The following CACNG3 variants were observed in gnomAD, a reference collection of about 807,000 sequenced individuals.
CACNG3 encodes voltage-dependent calcium channel gamma-3 subunit.
CACNG3 carries 3 observed loss-of-function variants against 28.5 expected under a neutral mutation model. The ratio of observed to expected loss-of-function variants is 0.11; its 90% CI spans 0.05 to 0.27. The LOEUF is 0.27. Among genes scored for constraint, CACNG3 ranks in the 10% least tolerant of loss-of-function variants. CACNG3 has a pLI of 1.00. For synonymous variants in CACNG3, 174 were observed against 162.2 expected (o/e 1.07, Z -0.55); for missense variants, 236 against 414.4 (o/e 0.57, Z 3.74).
At chr16:24,324,732 TC>T (rs1170636221) in intron 1 of CACNG3, among the ~76,000 whole-genome samples, 3 of 152,208 alleles carry the variant, frequency 2.0e-5, no homozygotes, top group Non-Finnish European at 4.4e-5. Flanking sequence ...CTCAGCCTTC[TC>T]TCAGCTTTTC....
chr16:24,351,769 G>GAGAA (rs1453158168), intron 2 of CACNG3, among the ~76,000 whole-genome samples: 1 of 147,162 alleles, frequency 6.8e-6, no homozygotes, highest in Admixed American at 6.8e-5. Flanking sequence ...GAGAGAGAGA[G>GAGAA]AAAGAAAGAT....
At chr16:24,320,451 C>T (rs1596641762) in intron 1 of CACNG3, among the ~76,000 whole-genome samples, 1 of 152,180 alleles carries the variant, frequency 6.6e-6, no homozygotes, top group Admixed American at 6.6e-5. Context: ...CAGTTTGCTG[C>T]TGTATAAAAT....
intron 1 of CACNG3, among the ~76,000 whole-genome samples, chr16:24,267,390 G>A (rs1898626779): frequency 6.6e-6 from 1 of 151,904 alleles, no homozygotes; most frequent in African/African-American, 2.4e-5. Context: ...TGGGCTCAAG[G>A]GATCCTCCCA....
intron 1 of CACNG3, among the ~76,000 whole-genome samples, chr16:24,327,361 C>A (rs1019032048): frequency 1.3e-5 from 2 of 149,266 alleles, no homozygotes; most frequent in African/African-American, 4.9e-5. Flanking sequence ...ACTTCGAACT[C>A]CTCACCAGGA....
Position 24,338,752 on chromosome 16 carries a change from A to T in CACNG3, c.212-7982A>T, listed in dbSNP as rs758469690. 7.0e-4 allele frequency among the ~76,000 whole-genome samples: 106 copies of T among 152,110 alleles called. 1 individual carries two copies. Among genetic ancestry groups the T allele is most frequent in the Non-Finnish European group, 2.5e-4 (17 of 68,018 alleles). ...ACCGTCTCTGTCTTGGGCATTAGGG[A>T]ATCCCTAGGACCTAAAACCAGTCTT... is the stretch of plus-strand genomic sequence containing the variant. On this transcript the variant is annotated intron_variant, in intron 1 of 3. Coordinates refer to ENST00000005284, the MANE Select transcript of CACNG3 (RefSeq NM_006539.4).
intron 1 of CACNG3, among the ~76,000 whole-genome samples, chr16:24,269,295 A>G (rs1459077528): frequency 6.6e-6 from 1 of 152,244 alleles, no homozygotes; most frequent in Non-Finnish European, 1.5e-5. Context: ...AAGATAATTC[A>G]ATTACCTTAA....
rs116105302 is a variant in CACNG3 at position 24,326,700 on chromosome 16, A to G, written c.212-20034A>G. 8.0e-3 allele frequency among the ~76,000 whole-genome samples: 1,214 copies of G among 152,280 alleles called. 17 individuals carry two copies. The highest frequency in any genetic ancestry group is 0.028 in the African/African-American group (1,157 of 41,566). Reference sequence around the variant, plus strand: ...CACATGCCCACTTCTGAAACTGACAATGGAGTCACCCTATGCTCACCTCAC... The same window carrying G: ...CACATGCCCACTTCTGAAACTGACAGTGGAGTCACCCTATGCTCACCTCAC... On this transcript the variant is annotated intron_variant, in intron 1 of 3. Transcript: ENST00000005284.
At chr16:24,317,606 G>GA (rs1555460535) in intron 1 of CACNG3, among the ~76,000 whole-genome samples, 2 of 66,030 alleles carry the variant, frequency 3.0e-5, no homozygotes, top group African/African-American at 6.9e-5. Context: ...AAGAAAGAAA[G>GA]AAAGAAAGAA....
At chr16:24,306,482 C>T (rs937586272) in intron 1 of CACNG3, among the ~76,000 whole-genome samples, 4 of 152,296 alleles carry the variant, frequency 2.6e-5, no homozygotes, top group Middle Eastern at 3.4e-3. Flanking sequence ...TCTTTCCCAC[C>T]TCTGGACTAA....
At chr16:24,282,296 G>C (rs1898839769) in intron 1 of CACNG3, among the ~76,000 whole-genome samples, 1 of 152,142 alleles carries the variant, frequency 6.6e-6, no homozygotes, top group East Asian at 1.9e-4. Flanking sequence ...TGTAGCTTGA[G>C]CGCTTAGGAA....
chr16:24,347,642 T>A (rs1263192139), intron 2 of CACNG3, among the ~76,000 whole-genome samples: 1 of 152,182 alleles, frequency 6.6e-6, no homozygotes, highest in African/African-American at 2.4e-5. Flanking sequence ...TTGACTTCCC[T>A]CCAGTTTCAG....
chr16:24,314,909 G>A (rs189326203), intron 1 of CACNG3, among the ~76,000 whole-genome samples: 2 of 152,198 alleles, frequency 1.3e-5, no homozygotes, highest in East Asian at 1.9e-4. Flanking sequence ...CAGAGTCCCT[G>A]AGCTTGCAAG....
chr16:24,271,701 T>C (rs538260240), intron 1 of CACNG3, among the ~76,000 whole-genome samples: 1 of 152,258 alleles, frequency 6.6e-6, no homozygotes, highest in African/African-American at 2.4e-5. Context: ...AAGGCAGACA[T>C]GGTTCCTGTC....
intron 1 of CACNG3, among the ~76,000 whole-genome samples, chr16:24,269,629 C>T (rs1898657928): frequency 6.6e-6 from 1 of 151,444 alleles, no homozygotes; most frequent in African/African-American, 2.4e-5. Flanking sequence ...CACCTGTAAT[C>T]CCAGCTACTC....
chr16:24,266,904 G>A (rs1045961737), intron 1 of CACNG3, among the ~76,000 whole-genome samples: 1 of 152,200 alleles, frequency 6.6e-6, no homozygotes, highest in African/African-American at 2.4e-5. Context: ...GAGAGAGAGA[G>A]GATGGGCCGT....
At chr16:24,323,239 A>AAAG (rs1555460944) in intron 1 of CACNG3, among the ~76,000 whole-genome samples, 8 of 143,072 alleles carry the variant, frequency 5.6e-5, no homozygotes, top group East Asian at 4.1e-4. Flanking sequence ...AAAAAAAAAA[A>AAAG]AGAGAGAGAG....
intron 1 of CACNG3, among the ~76,000 whole-genome samples, chr16:24,297,080 G>A (rs945177367): frequency 6.6e-6 from 1 of 151,944 alleles, no homozygotes; most frequent in African/African-American, 2.4e-5. Context: ...GCGAGATCCT[G>A]TTTCCACAAA....
intron 1 of CACNG3, among the ~76,000 whole-genome samples, chr16:24,326,463 A>G (rs1420808332): frequency 6.6e-6 from 1 of 151,990 alleles, no homozygotes. Flanking sequence ...GAGCCACCAC[A>G]CCCGGCCAAA....
chr16:24,268,645 C>T (rs1250793419), intron 1 of CACNG3, among the ~76,000 whole-genome samples: 1 of 152,190 alleles, frequency 6.6e-6, no homozygotes, highest in Non-Finnish European at 1.5e-5. Flanking sequence ...CTCTGGAGAT[C>T]AAATGTAAAT....
Sources: allele counts gnomAD v4.1 joint callset (sites outside exome capture counted in the v4.1 genomes callset), GRCh38; gene constraint gnomAD v4.1.1; transcripts MANE v1.5; gene names NCBI Gene and HGNC (gene_info 2026-07-23, HGNC 2026-07-21).